Variants in CCDC141 observed in about 807,000 individuals in gnomAD.
CCDC141 encodes coiled-coil domain containing 141, also known as coiled-coil domain-containing protein 141.
CCDC141 carries 168 observed loss-of-function variants against 181.0 expected under a neutral mutation model. That is an observed-to-expected ratio of 0.93 (90% CI 0.82 to 1.05). The LOEUF is 1.05. Among genes scored for constraint, CCDC141 ranks in the 50% least tolerant of loss-of-function variants. CCDC141 has a pLI of 0.00. For synonymous variants in CCDC141, 666 were observed against 642.3 expected (o/e 1.04, Z -0.56); for missense variants, 1,902 against 1,788.5 (o/e 1.06, Z -1.14).
intron 7 of CCDC141, among the ~76,000 whole-genome samples, chr2:178,909,838 C>T (rs1242594505): frequency 6.6e-6 from 1 of 152,154 alleles, no homozygotes. Flanking sequence ...GCAGTGTTTT[C>T]CCTTTGGTCT....
intron 2 of CCDC141, among the ~76,000 whole-genome samples, chr2:179,021,185 G>A (rs1288259094): frequency 6.6e-6 from 1 of 152,078 alleles, no homozygotes; most frequent in Non-Finnish European, 1.5e-5. Context: ...TGTACCTTCC[G>A]TTGTAAACCA....
At chr2:178,938,208 A>G (rs1689366355) in intron 6 of CCDC141, among the ~76,000 whole-genome samples, 1 of 152,004 alleles carries the variant, frequency 6.6e-6, no homozygotes. Context: ...CATTTAGGGG[A>G]GAACACTAAA....
intron 3 of CCDC141, 24 bp downstream of exon 3, chr2:178,978,460 G>A: frequency 1.5e-6 from 2 of 1,371,536 alleles, no homozygotes; most frequent in Non-Finnish European, 1.9e-6. Context: ...TGTGGGGAAG[G>A]GAGAAGTTTT....
At chr2:178,918,691 A>T in intron 7 of CCDC141, 22 bp downstream of exon 7, 1 of 1,541,728 alleles carries the variant, frequency 6.5e-7, no homozygotes. Context: ...ACCGAAAATT[A>T]TCAACTTGAC....
chr2:178,850,139 A>G lies in CCDC141; in HGVS notation c.3267T>C (p.Tyr1089=). 1.9e-6 allele frequency: 3 copies of G among 1,606,810 alleles called. No homozygotes were observed. The highest frequency in any genetic ancestry group is 2.6e-6 in the Non-Finnish European group (3 of 1,174,802). ...TGTGTTTTGTCACTATTTTCTCAAT[A>G]TATTTCTGTCCTTCTTCCAAACCTG... ...HLYGLEEGQK[Y]IEKIVTKHKE... is the part of the protein sequence containing the mutation. The change falls in exon 21 of 24, where the codon TAT becomes TAC. Residue 1089 remains tyrosine (Y), a synonymous_variant. Transcript: ENST00000443758.
intron 2 of CCDC141, among the ~76,000 whole-genome samples, chr2:179,019,836 G>A (rs1379276304): frequency 6.6e-6 from 1 of 151,938 alleles, no homozygotes; most frequent in South Asian, 2.1e-4. Flanking sequence ...GCATGATTAT[G>A]GCTCACTGCA....
chr2:178,838,980 T>C (rs1308818205), intron 22 of CCDC141, among the ~76,000 whole-genome samples: 1 of 152,224 alleles, frequency 6.6e-6, no homozygotes, highest in Non-Finnish European at 1.5e-5. Context: ...CTCAGCATTT[T>C]GGGTGCCTAC....
intron 8 of CCDC141, among the ~76,000 whole-genome samples, chr2:178,903,989 A>G (rs977300789): frequency 6.6e-6 from 1 of 152,146 alleles, no homozygotes. Context: ...TCCAGGCACA[A>G]TAAGTGTCTC....
chr2:179,010,968 C>T (rs553441543), intron 2 of CCDC141, among the ~76,000 whole-genome samples: 2 of 152,052 alleles, frequency 1.3e-5, no homozygotes, highest in Admixed American at 1.3e-4. Context: ...ACCAGCCTGG[C>T]CAACATGGTG....
chr2:179,019,199 T>C (rs2042628287), intron 2 of CCDC141, among the ~76,000 whole-genome samples: 1 of 152,146 alleles, frequency 6.6e-6, no homozygotes, highest in Admixed American at 6.6e-5. Context: ...TTTATCCAAA[T>C]CCAAATACTT....
intron 2 of CCDC141, among the ~76,000 whole-genome samples, chr2:179,034,420 T>C (rs1389429593): frequency 1.3e-5 from 2 of 152,136 alleles, no homozygotes; most frequent in African/African-American, 4.8e-5. Flanking sequence ...ACTTGGATGA[T>C]GAAATAATCT....
chr2:178,905,830 C>T (rs1687940762), intron 7 of CCDC141, among the ~76,000 whole-genome samples: 1 of 152,148 alleles, frequency 6.6e-6, no homozygotes, highest in Non-Finnish European at 1.5e-5. Flanking sequence ...TTATTTTGTG[C>T]ATTTTACACT....
intron 14 of CCDC141, among the ~76,000 whole-genome samples, chr2:178,870,172 C>T (rs77777853): frequency 7.8e-6 from 1 of 128,608 alleles, no homozygotes; most frequent in South Asian, 2.5e-4. Context: ...GCGGAGGCTG[C>T]AGCAAGATAA....
At chr2:178,911,293 C>A (rs544603640) in intron 7 of CCDC141, among the ~76,000 whole-genome samples, 1 of 152,156 alleles carries the variant, frequency 6.6e-6, no homozygotes, top group African/African-American at 2.4e-5. Flanking sequence ...GCTGTAGCCA[C>A]GTATTAACTT....
Position 178,896,003 on chromosome 2 carries a change from C to A in CCDC141, c.1266-7335G>T, listed in dbSNP as rs200543935. ...AAAGAGGTTTCTTGGGTGGTTTCAG[C>A]CCTGAGTTGATATCATGGTCTGAAT... On this transcript the variant is annotated intron_variant, in intron 8 of 23. Transcript: ENST00000443758. 2.0e-5 allele frequency among the ~76,000 whole-genome samples: 3 copies of A among 152,094 alleles called. No homozygotes were observed. The East Asian group carries it at 5.8e-4, about 29-fold the overall frequency.
In CCDC141 at chr2:179,047,385, G is replaced by T; in HGVS notation, c.124C>A (p.Gln42Lys). Reference sequence around the variant, plus strand: ...AGATTGGGCTGTGATTCAGCCAGTTGAAGTTGTACCCATTTGCCACACTAA... The same window carrying T: ...AGATTGGGCTGTGATTCAGCCAGTTTAAGTTGTACCCATTTGCCACACTAA... ...VIKCGKWVQL[Q>K]LAESQPNLLE... Residue 42 changes from glutamine (Q) to lysine (K), a missense_variant, in exon 2 of 24, where the codon CAA becomes AAA. Transcript: ENST00000443758. 6.6e-7 allele frequency: 1 copy of T among 1,526,522 alleles called. No individual in the cohort carries two copies. Among genetic ancestry groups the T allele is most frequent in the Non-Finnish European group, 8.8e-7 (1 of 1,139,266 alleles). 94.6% of individuals were successfully genotyped at this position (1,526,522 alleles called of 1,614,324 possible).
At chr2:179,022,616 C>T (rs756945497) in intron 2 of CCDC141, among the ~76,000 whole-genome samples, 1 of 152,214 alleles carries the variant, frequency 6.6e-6, no homozygotes, top group South Asian at 2.1e-4. Context: ...ATGGTACTTT[C>T]ACGATCAGTG....
intron 17 of CCDC141, among the ~76,000 whole-genome samples, chr2:178,863,018 A>G (rs1316161443): frequency 2.0e-5 from 3 of 152,260 alleles, no homozygotes; most frequent in African/African-American, 7.2e-5. Context: ...AGAGGAAAGC[A>G]TAAAAAAAAG....
intron 2 of CCDC141, among the ~76,000 whole-genome samples, chr2:178,988,665 T>G (rs1003470113): frequency 6.6e-6 from 1 of 152,282 alleles, no homozygotes; most frequent in South Asian, 2.1e-4. Flanking sequence ...ATAATCCTCA[T>G]ATTTATGTGG....
Sources: allele counts gnomAD v4.1 joint callset (sites outside exome capture counted in the v4.1 genomes callset), GRCh38; gene constraint gnomAD v4.1.1; transcripts MANE v1.5; gene names NCBI Gene and HGNC (gene_info 2026-07-23, HGNC 2026-07-21).